Variants in ZMIZ1 observed in about 807,000 individuals in gnomAD.
ZMIZ1 encodes the protein zinc finger MIZ domain-containing protein 1.
In ZMIZ1, 17 loss-of-function variants were observed where a neutral mutation model predicts 113.9. That is an observed-to-expected ratio of 0.15 (90% CI 0.10 to 0.22). ZMIZ1 has a LOEUF of 0.22. ZMIZ1 is among the 10% of genes least tolerant of loss of function. The probability of loss-of-function intolerance (pLI) is 1.00; values close to 1 mark genes in which losing one functional copy is unlikely to be tolerated. For missense variants in ZMIZ1, 1,059 were observed against 1,477.8 expected (o/e 0.72, Z 4.65); for synonymous variants, 607 against 603.1 (o/e 1.01, Z -0.09).
intron 7 of ZMIZ1, among the ~76,000 whole-genome samples, chr10:79,234,623 A>G (rs868129726): frequency 1.3e-5 from 2 of 152,236 alleles, no homozygotes; most frequent in Non-Finnish European, 2.9e-5. Context: ...TACTTAATAG[A>G]TAAACATACT....
intron 4 of ZMIZ1, among the ~76,000 whole-genome samples, chr10:79,166,840 G>T (rs143144276): frequency 1.5e-3 from 230 of 152,336 alleles, no homozygotes; most frequent in African/African-American, 5.3e-3. Flanking sequence ...CCCTCGGGAA[G>T]CTCCCTCGGT....
intron 7 of ZMIZ1, among the ~76,000 whole-genome samples, chr10:79,241,513 A>G (rs973647117): frequency 2.0e-5 from 3 of 152,138 alleles, no homozygotes; most frequent in African/African-American, 4.8e-5. Context: ...TTGGCCTGCC[A>G]GTAAGGGGAT....
intron 4 of ZMIZ1, among the ~76,000 whole-genome samples, chr10:79,190,861 A>G (rs1453771789): frequency 6.6e-6 from 1 of 152,214 alleles, no homozygotes; most frequent in African/African-American, 2.4e-5. Context: ...GGTAAAGAGC[A>G]CAAAGTCAGG....
At chr10:79,078,257 C>T (rs1842540936) in intron 1 of ZMIZ1, among the ~76,000 whole-genome samples, 2 of 152,140 alleles carry the variant, frequency 1.3e-5, no homozygotes, top group Admixed American at 6.6e-5. Context: ...AAGGAGGCCA[C>T]AGAGGGACTG....
intron 3 of ZMIZ1, among the ~76,000 whole-genome samples, chr10:79,160,330 G>A (rs912499574): frequency 6.6e-5 from 10 of 152,238 alleles, no homozygotes; most frequent in Non-Finnish European, 1.5e-4. Flanking sequence ...GGCTGGGGTG[G>A]GGACACTGGG....
rs1855274341 is a variant in ZMIZ1, at chr10:79,312,698, C to T, written c.3153C>T (p.Asp1051=). ...DELLSYLDPP[D]LPSNSNDDLL... ...TCCTGTCTTATCTGGACCCCCCCGACCTGCCGAGCAATAGTAACGATGACC... is the reference window on the plus strand; with the variant it reads ...TCCTGTCTTATCTGGACCCCCCCGATCTGCCGAGCAATAGTAACGATGACC... The change falls in exon 25 of 25, where the codon GAC becomes GAT. Residue 1051 remains aspartate, a synonymous_variant. Transcript: ENST00000334512. The T allele has an allele frequency of 6.2e-7, 1 of 1,614,136 alleles. No homozygotes were observed. Among genetic ancestry groups the T allele is most frequent in the Non-Finnish European group, 8.5e-7 (1 of 1,180,048 alleles).
chr10:79,191,546 C>A (rs560200963), intron 4 of ZMIZ1, among the ~76,000 whole-genome samples: 2 of 152,336 alleles, frequency 1.3e-5, no homozygotes, highest in South Asian at 4.1e-4. Context: ...GCACTGCTAT[C>A]CTGGGAGAGG....
At chr10:79,290,250 G>A (rs1309550611) in intron 9 of ZMIZ1, among the ~76,000 whole-genome samples, 1 of 152,196 alleles carries the variant, frequency 6.6e-6, no homozygotes, top group Non-Finnish European at 1.5e-5. Flanking sequence ...TATGGCCTGA[G>A]TTGGATTTCA....
rs913048029 is a variant in ZMIZ1 at position 79,314,680 on chromosome 10, C to CT, written c.*1940dup. 57 of 159,336 alleles carry CT rather than the reference C, an allele frequency of 3.6e-4. No individual in the cohort carries two copies. The highest frequency in any genetic ancestry group is 5.9e-4 in the South Asian group (4 of 6,754). 9.9% of individuals were successfully genotyped at this position (159,336 alleles called of 1,614,324 possible). The stretch of plus-strand genomic sequence containing the variant: ...GACTCAATGACAAAGACCGAGTCTT[C>CT]TTTTTTTTTAAACAAAAACAAAAAA... On this transcript the variant is annotated 3_prime_UTR_variant, in exon 25 of 25. Transcript: ENST00000334512.
intron 7 of ZMIZ1, among the ~76,000 whole-genome samples, chr10:79,274,555 A>C (rs939650792): frequency 3.3e-5 from 5 of 152,234 alleles, no homozygotes; most frequent in Admixed American, 6.5e-5. Flanking sequence ...CGTTTGCCTC[A>C]GAACAACTTG....
At chr10:79,071,497 C>T (rs1478221436) in intron 1 of ZMIZ1, among the ~76,000 whole-genome samples, 1 of 152,192 alleles carries the variant, frequency 6.6e-6, no homozygotes, top group Non-Finnish European at 1.5e-5. Flanking sequence ...TGTACGGTCC[C>T]GGGAGTGTGA....
intron 4 of ZMIZ1, among the ~76,000 whole-genome samples, chr10:79,191,711 G>A (rs1207992053): frequency 6.6e-6 from 1 of 152,198 alleles, no homozygotes; most frequent in African/African-American, 2.4e-5. Context: ...ATATTCCCAT[G>A]GAAAACATGA....
chr10:79,208,328 T>C lies in ZMIZ1; in HGVS notation c.61-8T>C. On this transcript the variant is annotated splice_region_variant and splice_polypyrimidine_tract_variant and intron_variant, in intron 5 of 24. Transcript: ENST00000334512. Reference sequence around the variant, plus strand: ...GAGCCTCAGCCGCCTCCTTTTCCTTTCCCACAGCACTTACAGAATCCTGCC... The same window carrying C: ...GAGCCTCAGCCGCCTCCTTTTCCTTCCCCACAGCACTTACAGAATCCTGCC... The C allele has an allele frequency of 6.2e-7, 1 of 1,613,860 alleles. No individual in the cohort carries two copies. Among genetic ancestry groups the C allele is most frequent in the Non-Finnish European group, 8.5e-7 (1 of 1,179,828 alleles).
In ZMIZ1 at chr10:79,314,231, G is replaced by T. The variant is rs891472857; in HGVS notation, c.*1482G>T. 6.6e-6 allele frequency: 3 copies of T among 457,056 alleles called. No individual in the cohort carries two copies. Among genetic ancestry groups the T allele is most frequent in the Non-Finnish European group, 1.3e-5 (3 of 227,006 alleles). 28.3% of individuals were successfully genotyped at this position (457,056 alleles called of 1,614,324 possible). A position where few individuals can be genotyped will look rare whatever the true frequency, so the allele number is the denominator to read the frequency against. ...TTCACTTTGTTTCAGGCTGGTCTGTGCCCCGTGAGCCACATGGCCTAGGGT... is the reference window on the plus strand; with the variant it reads ...TTCACTTTGTTTCAGGCTGGTCTGTTCCCCGTGAGCCACATGGCCTAGGGT... On this transcript the variant is annotated 3_prime_UTR_variant, in exon 25 of 25. Transcript: ENST00000334512.
intron 7 of ZMIZ1, among the ~76,000 whole-genome samples, chr10:79,236,120 T>G (rs1455901129): frequency 1.3e-5 from 2 of 152,210 alleles, no homozygotes; most frequent in Non-Finnish European, 2.9e-5. Context: ...CCAGGCACGA[T>G]GGGTCCGATG....
chr10:79,221,865 C>G (rs958039955), intron 7 of ZMIZ1, among the ~76,000 whole-genome samples: 2 of 152,252 alleles, frequency 1.3e-5, no homozygotes, highest in African/African-American at 4.8e-5. Flanking sequence ...GAAGAGAGCC[C>G]GAATGCCTGC....
intron 7 of ZMIZ1, among the ~76,000 whole-genome samples, chr10:79,271,102 A>G (rs1437595476): frequency 6.6e-6 from 1 of 152,188 alleles, no homozygotes. Context: ...GGCAGGGGGA[A>G]GGGGCCCTGT....
At chr10:79,288,228 C>G (rs1853216548) in intron 8 of ZMIZ1, among the ~76,000 whole-genome samples, 1 of 152,226 alleles carries the variant, frequency 6.6e-6, no homozygotes, top group Non-Finnish European at 1.5e-5. Context: ...CTTGGCTGCC[C>G]TGATCTCCGC....
At chr10:79,217,014 C>G (rs112575441) in intron 7 of ZMIZ1, among the ~76,000 whole-genome samples, 6 of 152,206 alleles carry the variant, frequency 3.9e-5, no homozygotes, top group Non-Finnish European at 8.8e-5. Context: ...AGCTTTAAGC[C>G]GGACAGACCT....
Sources: gnomAD v4.1 joint callset for allele counts (sites outside exome capture counted in the v4.1 genomes callset) on GRCh38, gnomAD v4.1.1 for gene constraint, MANE v1.5 for transcripts, NCBI Gene and HGNC (gene_info 2026-07-23, HGNC 2026-07-21) for gene names.